MLLT10: variants seen among roughly 807,000 people sequenced by gnomAD.
MLLT10 encodes MLLT10 histone lysine methyltransferase DOT1L cofactor, also known as protein AF-10.
Under a neutral mutation model 129.1 loss-of-function variants are expected in MLLT10, and 30 were observed. That is an observed-to-expected ratio of 0.23 (90% CI 0.17 to 0.32). The LOEUF (loss-of-function observed/expected upper bound fraction) is 0.32, where lower values mean the gene tolerates loss of function less well. Ranked by LOEUF, MLLT10 falls within the 10% of genes least tolerant of loss-of-function variation. The probability of loss-of-function intolerance (pLI) is 1.00; values close to 1 mark genes in which losing one functional copy is unlikely to be tolerated. For synonymous variants in MLLT10, 490 were observed against 446.4 expected, an observed-to-expected ratio of 1.10 and a Z score of -1.23; for missense variants, 1,119 against 1,268.3, an observed-to-expected ratio of 0.88 and a Z score of 1.79.
chr10:21,692,632 A>G (rs2053977754), intron 13 of MLLT10, among the ~76,000 whole-genome samples: 1 of 151,582 alleles, frequency 6.6e-6, no homozygotes. Context: ...GGCACACACC[A>G]TTACACCCAG....
At chr10:21,650,473 T>C (rs1376766723) in intron 8 of MLLT10, among the ~76,000 whole-genome samples, 1 of 152,082 alleles carries the variant, frequency 6.6e-6, no homozygotes, top group Non-Finnish European at 1.5e-5. Context: ...AAAATGGCAG[T>C]ATTTTGGGGG....
At chr10:21,673,315 C>CAA in intron 10 of MLLT10, 35 bp from the exon 11 acceptor site, 1 of 616,714 alleles carries the variant, frequency 1.6e-6, no homozygotes, top group Non-Finnish European at 2.3e-6. Flanking sequence ...CCCCACCCCC[C>CAA]AACTTTTTTT....
rs556410964 is a variant in MLLT10, at chr10:21,625,085, A to G, written c.699+7878A>G. The stretch of plus-strand genomic sequence containing the variant: ...TCATAACTGTAGTAATCTTCATGCC[A>G]TAGTAATCTGGAGGTTAGCCATATC... On this transcript the variant is annotated intron_variant, in intron 8 of 22. Coordinates refer to ENST00000307729, the MANE Select transcript of MLLT10 (RefSeq NM_001195626.3). The G allele has an allele frequency of 2.2e-5, 19 of 881,256 alleles. No homozygotes were observed. The South Asian group carries it at 2.5e-4, about 12-fold the overall frequency. 54.6% of individuals were successfully genotyped at this position (881,256 alleles called of 1,614,324 possible).
intron 3 of MLLT10, chr10:21,556,538 A>G: frequency 1.2e-6 from 1 of 809,636 alleles, no homozygotes; most frequent in Admixed American, 2.7e-5. Flanking sequence ...GATTTCTTCC[A>G]TTTACCCTCT....
intron 5 of MLLT10, 43 bp downstream of exon 5, chr10:21,595,483 G>T (rs773439290): frequency 4.3e-5 from 63 of 1,455,826 alleles, no homozygotes; most frequent in Middle Eastern, 1.8e-4. Context: ...TATCACTACT[G>T]GGAAGTAGAA....
At chr10:21,662,054 T>TTAAA (rs2050265403) in intron 9 of MLLT10, among the ~76,000 whole-genome samples, 1 of 152,198 alleles carries the variant, frequency 6.6e-6, no homozygotes. Flanking sequence ...TTTATTTCAC[T>TTAAA]GTCTGCTTGA....
intron 3 of MLLT10, among the ~76,000 whole-genome samples, chr10:21,561,380 C>G (rs1211871772): frequency 6.6e-6 from 1 of 152,136 alleles, no homozygotes; most frequent in African/African-American, 2.4e-5. Context: ...TCTGCCTCAC[C>G]CTTCCGAGTA....
intron 8 of MLLT10, among the ~76,000 whole-genome samples, chr10:21,631,621 C>T (rs987800914): frequency 1.3e-5 from 2 of 151,672 alleles, no homozygotes; most frequent in East Asian, 1.9e-4. Context: ...TGTCAGAAGG[C>T]GACGAGGAAA....
At chr10:21,699,024 G>GC (rs1325510832) in intron 13 of MLLT10, among the ~76,000 whole-genome samples, 1 of 152,124 alleles carries the variant, frequency 6.6e-6, no homozygotes, top group Non-Finnish European at 1.5e-5. Flanking sequence ...ACAGGCACGT[G>GC]CCATCATGCC....
chr10:21,673,309 ACCCCCCAAC>A lies in MLLT10; in HGVS notation c.1052-40_1052-32del, dbSNP rs748883209. 285 of 103,774 alleles carry A rather than the reference ACCCCCCAAC, an allele frequency of 2.7e-3. 1 individual carries two copies. Among genetic ancestry groups the A allele is most frequent in the Middle Eastern group, 4.7e-3 (1 of 214 alleles). 6.4% of individuals were successfully genotyped at this position (103,774 alleles called of 1,614,324 possible). A position where few individuals can be genotyped will look rare whatever the true frequency, so the allele number is the denominator to read the frequency against. On this transcript the variant is annotated intron_variant, in intron 10 of 22. Coordinates refer to ENST00000307729, the MANE Select transcript of MLLT10 (RefSeq NM_001195626.3). ...AGCATCCAATTTTTCTGTCCCCCCCACCCCCCAACTTTTTTTTTTTTTTTTTTTTTTAAA... is the reference window on the plus strand; with the variant it reads ...AGCATCCAATTTTTCTGTCCCCCCCATTTTTTTTTTTTTTTTTTTTTTAAA...
intron 4 of MLLT10, among the ~76,000 whole-genome samples, chr10:21,590,149 G>A (rs563720484): frequency 2.0e-5 from 3 of 152,014 alleles, no homozygotes; most frequent in South Asian, 2.1e-4. Context: ...CTTTGTTGCC[G>A]AGGGTCGTCT....
intron 4 of MLLT10, 21 bp from the exon 5 acceptor site, chr10:21,595,310 C>T (rs1564475682): frequency 6.4e-7 from 1 of 1,573,346 alleles, no homozygotes; most frequent in Admixed American, 1.7e-5. Context: ...GAAAAGATGA[C>T]ATTTATTTAT....
intron 21 of MLLT10, chr10:21,738,611 TG>T: frequency 8.4e-7 from 1 of 1,184,554 alleles, no homozygotes; most frequent in Non-Finnish European, 1.1e-6. Context: ...CACTCTTGCT[TG>T]ACTCTGCTTC....
chr10:21,536,217 C>T (rs754638178), intron 2 of MLLT10, among the ~76,000 whole-genome samples: 4 of 152,106 alleles, frequency 2.6e-5, no homozygotes, highest in African/African-American at 7.2e-5. Context: ...CTGGGATTAC[C>T]GGCGTCAGCC....
chr10:21,569,093 T>C (rs185967502), intron 3 of MLLT10, among the ~76,000 whole-genome samples: 157 of 152,324 alleles, frequency 1.0e-3, no homozygotes, highest in African/African-American at 3.5e-3. Flanking sequence ...TTTTTTGGCC[T>C]GAATATGGTA....
At chr10:21,569,354 C>G (rs947931966) in intron 3 of MLLT10, among the ~76,000 whole-genome samples, 8 of 151,142 alleles carry the variant, frequency 5.3e-5, no homozygotes, top group Admixed American at 4.6e-4. Flanking sequence ...ACCTCCTGGG[C>G]TCAAATGATC....
intron 3 of MLLT10, among the ~76,000 whole-genome samples, chr10:21,544,775 TGTA>T (rs1249840123): frequency 6.6e-6 from 1 of 152,130 alleles, no homozygotes; most frequent in Non-Finnish European, 1.5e-5. Context: ...TTAGAGCAGT[TGTA>T]GTAGAGGAAG....
At chr10:21,639,413 A>G (rs1201765033) in intron 8 of MLLT10, among the ~76,000 whole-genome samples, 1 of 152,190 alleles carries the variant, frequency 6.6e-6, no homozygotes, top group African/African-American at 2.4e-5. Flanking sequence ...TGGGGTTCCC[A>G]CAGCCCCCTC....
At chr10:21,611,278 G>A (rs922886142) in intron 5 of MLLT10, among the ~76,000 whole-genome samples, 3 of 151,592 alleles carry the variant, frequency 2.0e-5, no homozygotes, top group African/African-American at 7.3e-5. Context: ...CAAAGTGCTG[G>A]GATTACAGGT....
Sources: gnomAD v4.1 joint callset for allele counts (sites outside exome capture counted in the v4.1 genomes callset) on GRCh38, gnomAD v4.1.1 for gene constraint, MANE v1.5 for transcripts, NCBI Gene and HGNC (gene_info 2026-07-23, HGNC 2026-07-21) for gene names.